The following TM2D1 variants were observed in gnomAD, a reference collection of about 807,000 sequenced individuals.
The protein encoded by TM2D1 is TM2 domain-containing protein 1.
Under a neutral mutation model 28.4 loss-of-function variants are expected in TM2D1, and 15 were observed. The observed-to-expected ratio is 0.53, with a 90% CI of 0.35 to 0.81. The LOEUF is 0.81. TM2D1 is among the 40% of genes least tolerant of loss of function. The pLI, the probability that TM2D1 is intolerant of heterozygous loss-of-function variation, is 0.01. For missense variants in TM2D1, 236 were observed against 254.9 expected (o/e 0.93, Z 0.50); for synonymous variants, 93 against 96.2 (o/e 0.97, Z 0.20).
intron 5 of TM2D1, among the ~76,000 whole-genome samples, chr1:61,685,205 A>G (rs1381679147): frequency 6.6e-6 from 1 of 152,252 alleles, no homozygotes; most frequent in Non-Finnish European, 1.5e-5. Flanking sequence ...TGTAAAAATT[A>G]TAATGGTTAG....
At chr1:61,700,770 T>G (rs1305569173) in intron 4 of TM2D1, among the ~76,000 whole-genome samples, 164 bp downstream of exon 4, 1 of 152,206 alleles carries the variant, frequency 6.6e-6, no homozygotes, top group African/African-American at 2.4e-5. Context: ...TAAGCTGAAC[T>G]GTTGGGCTAA....
intron 2 of TM2D1, among the ~76,000 whole-genome samples, chr1:61,710,627 T>G (rs2148058292): frequency 6.6e-6 from 1 of 151,668 alleles, no homozygotes; most frequent in African/African-American, 2.4e-5. Flanking sequence ...ATCAACATTT[T>G]AGACTGAAAA....
chr1:61,717,969 G>A (rs1418349423), intron 2 of TM2D1, among the ~76,000 whole-genome samples: 1 of 151,906 alleles, frequency 6.6e-6, no homozygotes, highest in East Asian at 1.9e-4. Context: ...AGCCGTGATC[G>A]CACCACTGCA....
rs1480038388 is a variant in TM2D1, at chr1:61,725,105, G to C, written c.16C>G (p.Pro6Ala). 4 of 1,613,578 alleles carry C rather than the reference G, an allele frequency of 2.5e-6. No individual in the cohort carries two copies. The highest frequency in any genetic ancestry group is 3.3e-5 in the Admixed American group (2 of 60,016). MAAAW[P>A]SGPSAPEAVT... is the part of the protein sequence containing the mutation. ...GCCTCCGGAGCAGACGGACCAGACG[G>C]CCAGGCGGCCGCCATCTTGGAGACC... The change falls in exon 1 of 7, where the codon CCG becomes GCG. Residue 6 changes from proline to alanine, a missense_variant. By Grantham distance (27) the Pro-to-Ala change is conservative. Around this residue, in one of 3 missense-constraint regions of TM2D1, gnomAD observed 167 missense variants for 162.7 expected, o/e 1.03. Transcript: ENST00000606498.
In TM2D1 at chr1:61,725,020, C is replaced by T. The variant is rs1272840545; in HGVS notation, c.101G>A (p.Gly34Glu). The change falls in exon 1 of 7, where the codon GGG (glycine) becomes GAG (glutamate). Residue 34 changes from glycine to glutamate, a missense_variant. Coordinates refer to ENST00000606498, the MANE Select transcript of TM2D1 (RefSeq NM_032027.3). ...WFVSVTTGPW[G>E]AVATSAGGEE... is the part of the protein sequence containing the mutation. ...GCCCCCGGCGGAGGTGGCAACAGCC[C>T]CCCAGGGTCCTGTAGTGACTGAGAC... The T allele has an allele frequency of 6.2e-7, 1 of 1,612,804 alleles. No individual in the cohort carries two copies.
intron 3 of TM2D1, among the ~76,000 whole-genome samples, chr1:61,705,197 C>T (rs1046537548): frequency 2.6e-5 from 4 of 151,850 alleles, no homozygotes; most frequent in African/African-American, 4.8e-5. Flanking sequence ...AGTTATTCAC[C>T]GAGCCATTTC....
chr1:61,725,128 A>C lies in TM2D1; in HGVS notation c.-8T>G, dbSNP rs746524604. 5 of 1,613,372 alleles carry C rather than the reference A, an allele frequency of 3.1e-6. No individual in the cohort carries two copies. Among genetic ancestry groups the C allele is most frequent in the Admixed American group, 1.7e-5 (1 of 60,014 alleles). ...CGGCCAGGCGGCCGCCATCTTGGAG[A>C]CCGACACTTTCTCGCCACTTCCGCT... On this transcript the variant is annotated 5_prime_UTR_variant, in exon 1 of 7. Coordinates refer to ENST00000606498, the MANE Select transcript of TM2D1 (RefSeq NM_032027.3).
chr1:61,718,370 C>T (rs1293653351), intron 2 of TM2D1, among the ~76,000 whole-genome samples: 1 of 152,008 alleles, frequency 6.6e-6, no homozygotes, highest in East Asian at 1.9e-4. Context: ...AAGAGTTCTC[C>T]TCTGAGAGTG....
At chr1:61,714,908 T>G (rs953788489) in intron 2 of TM2D1, among the ~76,000 whole-genome samples, 6 of 152,242 alleles carry the variant, frequency 3.9e-5, no homozygotes, top group African/African-American at 1.4e-4. Context: ...GAGTTTTAGT[T>G]TTCAATATTT....
chr1:61,691,932 A>AAAATATATATATATAT, intron 5 of TM2D1, among the ~76,000 whole-genome samples: 24 of 76,386 alleles, frequency 3.1e-4, no homozygotes, highest in East Asian at 1.9e-3. Flanking sequence ...AAAAAAAAAA[A>AAAATATATATATATAT]ATATATATAT....
intron 3 of TM2D1, among the ~76,000 whole-genome samples, chr1:61,702,221 A>G (rs1644406992): frequency 6.6e-6 from 1 of 151,880 alleles, no homozygotes; most frequent in Admixed American, 6.6e-5. Flanking sequence ...TAATGAATCC[A>G]AAGTTTCTGC....
intron 4 of TM2D1, chr1:61,697,524 C>T (rs1389605616): frequency 6.8e-6 from 1 of 146,992 alleles, no homozygotes; most frequent in Non-Finnish European, 1.5e-5. Context: ...TTTAAAACAG[C>T]TTTATTGAGT....
intron 5 of TM2D1, among the ~76,000 whole-genome samples, chr1:61,685,618 C>T (rs1331680762): frequency 6.6e-6 from 1 of 152,194 alleles, no homozygotes; most frequent in African/African-American, 2.4e-5. Flanking sequence ...TGTTAATATT[C>T]AAGTAGTACT....
chr1:61,701,455 C>T (rs1557531662), intron 3 of TM2D1, among the ~76,000 whole-genome samples: 1 of 151,722 alleles, frequency 6.6e-6, no homozygotes, highest in Non-Finnish European at 1.5e-5. Context: ...ATGGCCATGC[C>T]ATGCTTCTGA....
intron 2 of TM2D1, among the ~76,000 whole-genome samples, chr1:61,722,661 C>T (rs1309955841): frequency 6.6e-6 from 1 of 152,208 alleles, no homozygotes; most frequent in African/African-American, 2.4e-5. Flanking sequence ...GCCACCATGC[C>T]TGGCCATTTA....
At chr1:61,721,433 T>C (rs568327431) in intron 2 of TM2D1, among the ~76,000 whole-genome samples, 7 of 151,418 alleles carry the variant, frequency 4.6e-5, no homozygotes, top group African/African-American at 7.3e-5. Context: ...TCCCAGCTAC[T>C]TGGGAGGCTG....
intron 3 of TM2D1, among the ~76,000 whole-genome samples, chr1:61,702,878 G>T (rs1363354138): frequency 1.3e-5 from 2 of 151,448 alleles, no homozygotes; most frequent in Non-Finnish European, 2.9e-5. Context: ...GGCTGAGGCG[G>T]TTGGATCACA....
intron 4 of TM2D1, chr1:61,699,061 G>A (rs1644383950): frequency 6.6e-6 from 1 of 151,908 alleles, no homozygotes; most frequent in South Asian, 2.1e-4. Flanking sequence ...ATTTTAAATT[G>A]GCCAGGCACT....
At chr1:61,702,083 G>A (rs1270207896) in intron 3 of TM2D1, among the ~76,000 whole-genome samples, 1 of 151,974 alleles carries the variant, frequency 6.6e-6, no homozygotes, top group Middle Eastern at 3.4e-3. Context: ...CCAGCTACTC[G>A]GGAGGCTGAG....
Sources: gnomAD v4.1 joint callset for allele counts (sites outside exome capture counted in the v4.1 genomes callset) on GRCh38, gnomAD v4.1.1 for gene constraint, gnomAD v4.1.1 regional missense constraint, MANE v1.5 for transcripts, NCBI Gene and HGNC (gene_info 2026-07-23, HGNC 2026-07-21) for gene names.